The following RBM27 variants were observed in gnomAD, a reference collection of about 807,000 sequenced individuals.
RBM27 encodes the protein RNA-binding protein 27.
Under a neutral mutation model 135.3 loss-of-function variants are expected in RBM27, and 22 were observed. The observed-to-expected ratio is 0.16, with a 90% CI of 0.12 to 0.23. RBM27 has a LOEUF of 0.23. RBM27 is among the 10% of genes least tolerant of loss of function. The pLI is 1.00. For missense variants in RBM27, 1,009 were observed against 1,281.0 expected, an observed-to-expected ratio of 0.79 and a Z score of 3.24; for synonymous variants, 481 against 442.4, an observed-to-expected ratio of 1.09 and a Z score of -1.10.
chr5:146,284,483 G>C, intron 19 of RBM27, 139 bp from the exon 20 acceptor site: 1 of 648,688 alleles, frequency 1.5e-6, no homozygotes, highest in South Asian at 1.8e-5. Flanking sequence ...ATTTTTTTTA[G>C]CTCTCATTGG....
At chr5:146,211,925 ATG>A (rs1755976023) in intron 1 of RBM27, among the ~76,000 whole-genome samples, 1 of 152,138 alleles carries the variant, frequency 6.6e-6, no homozygotes, top group African/African-American at 2.4e-5. Context: ...TGTTTTTCTT[ATG>A]TGTATGAATT....
At chr5:146,252,315 G>A (rs554252766) in intron 9 of RBM27, among the ~76,000 whole-genome samples, 6 of 152,226 alleles carry the variant, frequency 3.9e-5, no homozygotes, top group South Asian at 4.2e-4. Flanking sequence ...ATAATGTAGC[G>A]ATTCTTAAAA....
Position 146,203,765 on chromosome 5 carries a change from C to G in RBM27, c.-1C>G, listed in dbSNP as rs1362773949. ...GCGGCCGAGCCCGCCTTCCCTGCAC[C>G]ATGCTCATAGAGGATGTGGATGCCC... On this transcript the variant is annotated 5_prime_UTR_variant, in exon 1 of 21. Transcript: ENST00000265271. The G allele has an allele frequency of 2.6e-6, 4 of 1,550,628 alleles. No individual in the cohort carries two copies. In the African/African-American group the frequency reaches 5.5e-5, roughly 21 times the overall value.
At chr5:146,213,824 A>G (rs1756078700) in intron 1 of RBM27, among the ~76,000 whole-genome samples, 2 of 152,212 alleles carry the variant, frequency 1.3e-5, no homozygotes, top group African/African-American at 4.8e-5. Context: ...TTTTAGGGCA[A>G]TGTTTCTATT....
chr5:146,210,117 T>C (rs754098508), intron 1 of RBM27, among the ~76,000 whole-genome samples: 1 of 152,182 alleles, frequency 6.6e-6, no homozygotes, highest in Non-Finnish European at 1.5e-5. Context: ...CTCTTGGCCA[T>C]GGGCGTGCAG....
At chr5:146,205,381 C>T (rs1413689675) in intron 1 of RBM27, among the ~76,000 whole-genome samples, 3 of 152,100 alleles carry the variant, frequency 2.0e-5, no homozygotes, top group Non-Finnish European at 4.4e-5. Flanking sequence ...GATGGGCAGG[C>T]TTTGATTCAT....
chr5:146,229,490 C>G (rs1319615414), intron 4 of RBM27, among the ~76,000 whole-genome samples: 1 of 144,508 alleles, frequency 6.9e-6, no homozygotes, highest in Non-Finnish European at 1.5e-5. Context: ...CCTCCCCATA[C>G]TTTGGATTCA....
At chr5:146,217,820 G>A (rs1355161151) in intron 1 of RBM27, among the ~76,000 whole-genome samples, 1 of 152,006 alleles carries the variant, frequency 6.6e-6, no homozygotes, top group Non-Finnish European at 1.5e-5. Flanking sequence ...GAGTGCAGTG[G>A]TGTGATCGGC....
chr5:146,267,810 C>T (rs772021551), intron 15 of RBM27, 42 bp downstream of exon 15: 2 of 1,582,428 alleles, frequency 1.3e-6, no homozygotes, highest in Non-Finnish European at 1.7e-6. Flanking sequence ...AGAAAAGATG[C>T]CTTGAATTTT....
At chr5:146,258,402 T>C (rs1474136116) in intron 10 of RBM27, 47 bp from the exon 11 acceptor site, 4 of 1,457,136 alleles carry the variant, frequency 2.7e-6, no homozygotes, top group South Asian at 3.1e-5. Context: ...ATATTAATCA[T>C]TGAGACTCCT....
intron 6 of RBM27, 118 bp downstream of exon 6, chr5:146,231,035 A>C: frequency 1.6e-6 from 2 of 1,239,262 alleles, no homozygotes; most frequent in South Asian, 3.1e-5. Flanking sequence ...TATTTTATTT[A>C]TTTTGAGACA....
chr5:146,258,692 C>A lies in RBM27; in HGVS notation c.1739+99C>A, dbSNP rs1335086684. ...TTGTCATTAATTAATGTTTTTCAAA[C>A]TAGGTATCTTGAAGTTAGGGTTCCA... On this transcript the variant is annotated intron_variant, in intron 11 of 20. Transcript: ENST00000265271. The A allele has an allele frequency of 7.1e-6, 8 of 1,128,092 alleles. No individual in the cohort carries two copies. The East Asian group carries it at 2.1e-4, about 29-fold the overall frequency. 69.9% of individuals were successfully genotyped at this position (1,128,092 alleles called of 1,614,324 possible). A position where few individuals can be genotyped will look rare whatever the true frequency, so the allele number is the denominator to read the frequency against.
intron 4 of RBM27, among the ~76,000 whole-genome samples, 189 bp from the exon 5 acceptor site, chr5:146,229,528 G>A (rs1756834455): frequency 6.9e-6 from 1 of 144,592 alleles, no homozygotes. Context: ...TCCCCACCCA[G>A]TATAATTGCA....
At chr5:146,222,893 T>C (rs1205765066) in intron 2 of RBM27, among the ~76,000 whole-genome samples, 1 of 152,192 alleles carries the variant, frequency 6.6e-6, no homozygotes, top group African/African-American at 2.4e-5. Flanking sequence ...GAGTTGGCAG[T>C]GCCTTTAATC....
chr5:146,208,555 G>T (rs550489181), intron 1 of RBM27, among the ~76,000 whole-genome samples: 1 of 152,314 alleles, frequency 6.6e-6, no homozygotes, highest in South Asian at 2.1e-4. Flanking sequence ...ACTAGACTCA[G>T]TTCTTGTTTG....
At chr5:146,257,669 A>G (rs536176964) in intron 10 of RBM27, among the ~76,000 whole-genome samples, 5 of 152,350 alleles carry the variant, frequency 3.3e-5, no homozygotes, top group African/African-American at 9.6e-5. Flanking sequence ...ACATAAAACC[A>G]TAATTCCATA....
chr5:146,270,467 C>T (rs1019362718), intron 17 of RBM27, among the ~76,000 whole-genome samples: 5 of 151,982 alleles, frequency 3.3e-5, no homozygotes, highest in African/African-American at 7.2e-5. Flanking sequence ...TATATATGCA[C>T]ATTTTAAAAA....
At chr5:146,256,273 C>T (rs948654793) in intron 10 of RBM27, among the ~76,000 whole-genome samples, 9 of 145,498 alleles carry the variant, frequency 6.2e-5, no homozygotes, top group South Asian at 2.1e-4. Flanking sequence ...CACCAAATGC[C>T]TTCTCATATA....
chr5:146,251,913 C>CT, intron 9 of RBM27, 38 bp downstream of exon 9: 3 of 1,596,544 alleles, frequency 1.9e-6, no homozygotes, highest in Middle Eastern at 1.7e-4. Context: ...CCTCACTGAT[C>CT]TTTTTTACCT....
Sources: gnomAD v4.1 joint callset for allele counts (sites outside exome capture counted in the v4.1 genomes callset) on GRCh38, gnomAD v4.1.1 for gene constraint, MANE v1.5 for transcripts, NCBI Gene and HGNC (gene_info 2026-07-23, HGNC 2026-07-21) for gene names.